Variants in WFDC11 observed in about 807,000 individuals in gnomAD.
WFDC11 encodes the protein WAP four-disulfide core domain 11, also known as protein WFDC11.
Under a neutral mutation model 9.9 loss-of-function variants are expected in WFDC11, and 9 were observed. The observed-to-expected ratio is 0.91, with a 90% CI of 0.55 to 1.58. WFDC11 has a LOEUF of 1.58. WFDC11 is among the 40% of genes most tolerant of loss of function. WFDC11 has a pLI of 0.00. For synonymous variants in WFDC11, 32 were observed against 33.3 expected, an observed-to-expected ratio of 0.96 and a Z score of 0.13; for missense variants, 106 against 101.7, an observed-to-expected ratio of 1.04 and a Z score of -0.18.
chr20:45,662,075 G>A (rs1300539748), intron 2 of WFDC11, among the ~76,000 whole-genome samples: 4 of 151,798 alleles, frequency 2.6e-5, no homozygotes, highest in African/African-American at 7.3e-5. Flanking sequence ...CCATTTGTTT[G>A]TATCTTCTTT....
chr20:45,661,750 G>C (rs1426327342), intron 2 of WFDC11, among the ~76,000 whole-genome samples: 1 of 152,050 alleles, frequency 6.6e-6, no homozygotes, highest in Non-Finnish European at 1.5e-5. Flanking sequence ...TTATTACTGA[G>C]GGCTCTGTTC....
chr20:45,657,428 T>G lies in WFDC11; in HGVS notation c.-51-6777A>C, dbSNP rs1224052492. Among the ~76,000 whole-genome samples the G allele has an allele frequency of 1.1e-3, 118 of 104,276 alleles. 2 individuals are homozygous for G. The highest frequency in any genetic ancestry group is 4.1e-3 in the African/African-American group (107 of 26,166). The allele number at this position is 104,276 out of a possible 152,430, so 68.4% of individuals were successfully genotyped here. ...AAGGGGAACATCACACACCAGGGCC[T>G]GTTGTGGGGTGGGGGGAGGGGGGAG... On this transcript the variant is annotated intron_variant, in intron 2 of 4. Coordinates refer to ENST00000324384, the MANE Select transcript of WFDC11 (RefSeq NM_147197.2).
intron 2 of WFDC11, among the ~76,000 whole-genome samples, chr20:45,658,300 C>T (rs911325808): frequency 3.3e-5 from 5 of 152,146 alleles, no homozygotes; most frequent in Non-Finnish European, 2.9e-5. Context: ...GGGCACTATG[C>T]TATACAACAA....
chr20:45,662,870 T>C (rs1983101602), intron 2 of WFDC11, among the ~76,000 whole-genome samples: 2 of 152,238 alleles, frequency 1.3e-5, no homozygotes, highest in Non-Finnish European at 2.9e-5. Flanking sequence ...GGGATATTGG[T>C]ATAAAATTAT....
intron 2 of WFDC11, among the ~76,000 whole-genome samples, chr20:45,664,715 T>G (rs773236578): frequency 7.2e-5 from 11 of 152,198 alleles, no homozygotes; most frequent in Non-Finnish European, 8.8e-5. Flanking sequence ...GATTGAAAAT[T>G]CTTTTCTTTA....
intron 2 of WFDC11, among the ~76,000 whole-genome samples, chr20:45,665,573 G>T (rs1251498315): frequency 2.0e-5 from 3 of 152,208 alleles, no homozygotes; most frequent in Non-Finnish European, 4.4e-5. Flanking sequence ...TTTGGTCTTT[G>T]ATGTTGGTGA....
rs151333406 is a variant in WFDC11, at chr20:45,665,058, A to T, written c.-52+2030T>A. 4.0e-3 allele frequency among the ~76,000 whole-genome samples: 607 copies of T among 152,188 alleles called. 3 individuals are homozygous for T. Among genetic ancestry groups the T allele is most frequent in the Non-Finnish European group, 6.5e-3 (439 of 67,978 alleles). ...TCATCACTTTCAGGTACACCAATCA[A>T]ATGTAGCTTTGGTTTTTTCACATAG... On this transcript the variant is annotated intron_variant, in intron 2 of 4. Coordinates refer to ENST00000324384, the MANE Select transcript of WFDC11 (RefSeq NM_147197.2).
chr20:45,659,327 C>T (rs1263313065), intron 2 of WFDC11, among the ~76,000 whole-genome samples: 2 of 152,192 alleles, frequency 1.3e-5, no homozygotes, highest in Admixed American at 6.5e-5. Context: ...ACAGTCCCAC[C>T]AACAGTGTAA....
chr20:45,655,853 A>T (rs1982918012), intron 2 of WFDC11, among the ~76,000 whole-genome samples: 1 of 152,230 alleles, frequency 6.6e-6, no homozygotes, highest in Non-Finnish European at 1.5e-5. Flanking sequence ...AAAGAATAAA[A>T]TACCGAGGAA....
chr20:45,654,339 C>T (rs1024441562), intron 2 of WFDC11, among the ~76,000 whole-genome samples: 20 of 152,170 alleles, frequency 1.3e-4, no homozygotes, highest in African/African-American at 4.8e-4. Flanking sequence ...CTACTGGGTA[C>T]ATAACAAAAT....
intron 2 of WFDC11, among the ~76,000 whole-genome samples, chr20:45,651,388 T>C (rs1982802673): frequency 6.6e-6 from 1 of 152,076 alleles, no homozygotes; most frequent in Non-Finnish European, 1.5e-5. Flanking sequence ...TTTTTTTGTT[T>C]TGTTTGTTTG....
At chr20:45,659,699 C>T (rs1053244838) in intron 2 of WFDC11, among the ~76,000 whole-genome samples, 1 of 152,166 alleles carries the variant, frequency 6.6e-6, no homozygotes, top group Non-Finnish European at 1.5e-5. Flanking sequence ...TTTTGCTGTG[C>T]AGAAGCTCTT....
chr20:45,667,765 T>G (rs558601748), intron 1 of WFDC11, among the ~76,000 whole-genome samples: 215 of 152,352 alleles, frequency 1.4e-3, no homozygotes, highest in African/African-American at 5.0e-3. Flanking sequence ...CAGTACTTTC[T>G]TCATAGGATT....
chr20:45,662,103 A>G (rs371978408), intron 2 of WFDC11, among the ~76,000 whole-genome samples: 2,466 of 151,084 alleles, frequency 0.016, 64 homozygotes, highest in African/African-American at 0.053. Flanking sequence ...TTGAGCAGTG[A>G]TTTGTGGTTC....
At chr20:45,666,919 T>C (rs1983199059) in intron 2 of WFDC11, among the ~76,000 whole-genome samples, 169 bp downstream of exon 2, 1 of 152,250 alleles carries the variant, frequency 6.6e-6, no homozygotes, top group South Asian at 2.1e-4. Flanking sequence ...TATCTTTCTC[T>C]GTCTCAGTTT....
chr20:45,649,085 G>A (rs182007495), intron 4 of WFDC11, among the ~76,000 whole-genome samples, 172 bp downstream of exon 4: 6 of 152,280 alleles, frequency 3.9e-5, no homozygotes, highest in African/African-American at 1.4e-4. Flanking sequence ...CTAAGCTGGT[G>A]TCTTGATTTA....
chr20:45,654,536 G>A (rs566233030), intron 2 of WFDC11, among the ~76,000 whole-genome samples: 27 of 152,210 alleles, frequency 1.8e-4, no homozygotes, highest in Admixed American at 2.6e-4. Flanking sequence ...AGAAGCAAGA[G>A]CAAACAAATT....
chr20:45,665,881 G>T (rs1436344768), intron 2 of WFDC11, among the ~76,000 whole-genome samples: 2 of 152,304 alleles, frequency 1.3e-5, no homozygotes, highest in East Asian at 3.9e-4. Flanking sequence ...AGGGGTCAGG[G>T]ACCCACTTGA....
chr20:45,660,107 G>A (rs1983023024), intron 2 of WFDC11, among the ~76,000 whole-genome samples: 1 of 152,134 alleles, frequency 6.6e-6, no homozygotes, highest in Non-Finnish European at 1.5e-5. Flanking sequence ...TGTGACATTA[G>A]CATGTCAATT....
Sources: gnomAD v4.1 joint callset for allele counts (sites outside exome capture counted in the v4.1 genomes callset) on GRCh38, gnomAD v4.1.1 for gene constraint, MANE v1.5 for transcripts, NCBI Gene and HGNC (gene_info 2026-07-23, HGNC 2026-07-21) for gene names.